The following RASGRP2 variants were observed in gnomAD, a reference collection of about 807,000 sequenced individuals.
RASGRP2 encodes the protein RAS guanyl-releasing protein 2.
In RASGRP2, 44 loss-of-function variants were observed where a neutral mutation model predicts 71.0. The ratio of observed to expected loss-of-function variants is 0.62; its 90% confidence interval spans 0.49 to 0.80. RASGRP2 has a LOEUF of 0.80. RASGRP2 is among the 30% of genes least tolerant of loss of function. RASGRP2 has a pLI of 0.00. For synonymous variants in RASGRP2, 350 were observed against 330.7 expected (o/e 1.06, Z -0.63); for missense variants, 663 against 813.4 (o/e 0.82, Z 2.25).
chr11:64,730,091 A>T lies in RASGRP2; in HGVS notation c.1516T>A (p.Ser506Thr). ...GFVHNFQESNSLRPVACRHCK... is the reference protein window; with the variant it reads ...GFVHNFQESNTLRPVACRHCK... ...TGGCGGCAGGCGACGGGGCGCAAGG[A>T]GTTGCTCTCCTGGAAGTTGTGTACG... Residue 506 changes from serine to threonine, a missense_variant, in exon 13 of 17, where the codon TCC (serine) becomes ACC (threonine). By Grantham distance (58) the Ser-to-Thr change is moderately conservative. Transcript: ENST00000394432. The T allele has an allele frequency of 6.4e-7, 1 of 1,550,388 alleles. No homozygotes were observed.
chr11:64,729,344 G>GTTT (rs112743015), intron 14 of RASGRP2, among the ~76,000 whole-genome samples: 2 of 146,412 alleles, frequency 1.4e-5, no homozygotes, highest in African/African-American at 2.5e-5. Context: ...TTTTTTTGTT[G>GTTT]TTTTTTTTTT....
intron 8 of RASGRP2, among the ~76,000 whole-genome samples, chr11:64,737,718 AG>A (rs1565512482): frequency 2.0e-5 from 3 of 150,996 alleles, no homozygotes; most frequent in African/African-American, 2.4e-5. Flanking sequence ...AAGAAAGAAA[AG>A]AAAAGGAAAA....
At position 64,738,957 on chromosome 11, in the gene RASGRP2, T is replaced by TAA. The variant is rs34619826; in HGVS notation, c.813+401_813+402dup. On this transcript the variant is annotated intron_variant, in intron 8 of 16. Coordinates refer to ENST00000394432, the MANE Select transcript of RASGRP2 (RefSeq NM_001098671.2). ...GGGCAACATGGCAAAACCCCATCTC[T>TAA]AAAAAAAAAAAAAAAAATTAATAAC... 1.1e-3 allele frequency among the ~76,000 whole-genome samples: 141 copies of TAA among 133,074 alleles called. 1 individual carries two copies. The highest frequency in any genetic ancestry group is 5.9e-3 in the South Asian group (24 of 4,092). 87.3% of individuals were successfully genotyped at this position (133,074 alleles called of 152,430 possible).
chr11:64,734,742 T>A (rs1233881851), intron 12 of RASGRP2, among the ~76,000 whole-genome samples: 1 of 152,184 alleles, frequency 6.6e-6, no homozygotes, highest in Non-Finnish European at 1.5e-5. Context: ...AACAACTGGG[T>A]ACTGCTAATT....
At position 64,743,042 on chromosome 11, in the gene RASGRP2, C is replaced by T. The variant is rs1441413600; in HGVS notation, c.-71-105G>A. 1 of 1,286,540 alleles carries T rather than the reference C, an allele frequency of 7.8e-7. No homozygotes were observed. The highest frequency in any genetic ancestry group is 2.5e-5 in the East Asian group (1 of 39,326). 79.7% of individuals were successfully genotyped at this position (1,286,540 alleles called of 1,614,324 possible). The stretch of plus-strand genomic sequence containing the variant: ...GGGCACGCCCCCTGCTGGACAGGGG[C>T]GGAGTTGTCCCCCGCGGCCACTCCC... On this transcript the variant is annotated intron_variant, in intron 1 of 16. Coordinates refer to ENST00000394432, the MANE Select transcript of RASGRP2 (RefSeq NM_001098671.2). This position sits in a 1 kb window ranked among gnomAD's most constrained non-coding sequence, Gnocchi z 4.9.
At position 64,739,739 on chromosome 11, in the gene RASGRP2, G is replaced by C; in HGVS notation, c.593C>G (p.Ser198Cys). 1.2e-6 allele frequency: 2 copies of C among 1,613,958 alleles called. No individual in the cohort carries two copies. Among genetic ancestry groups the C allele is most frequent in the Non-Finnish European group, 1.7e-6 (2 of 1,179,934 alleles). ...CCACTGTGAGACGCTGTTGAAGAGGGAGATGAACCGCTCCAGGACGGGGTT... is the reference window on the plus strand; with the variant it reads ...CCACTGTGAGACGCTGTTGAAGAGGCAGATGAACCGCTCCAGGACGGGGTT... ...VDNPVLERFISLFNSVSQWVQ... is the reference protein window; with the variant it reads ...VDNPVLERFICLFNSVSQWVQ... Residue 198 changes from serine (S) to cysteine (C), a missense_variant, in exon 7 of 17, where the codon TCC (serine) becomes TGC (cysteine). Transcript: ENST00000394432. This position sits in a 1 kb window ranked among gnomAD's most constrained non-coding sequence, Gnocchi z 4.2.
In RASGRP2 at chr11:64,742,545, C is replaced by A; in HGVS notation, c.73+249G>T. The A allele has an allele frequency of 1.7e-6, 1 of 600,266 alleles. No homozygotes were observed. Among genetic ancestry groups the A allele is most frequent in the Non-Finnish European group, 3.0e-6 (1 of 337,574 alleles). 37.2% of individuals were successfully genotyped at this position (600,266 alleles called of 1,614,324 possible). A position where few individuals can be genotyped will look rare whatever the true frequency, so the allele number is the denominator to read the frequency against. ...GAGACAGATAATGCCCCTCAAGTGTCAGAGTCCGGGACCCGGCCCTCCCTT... is the reference window on the plus strand; with the variant it reads ...GAGACAGATAATGCCCCTCAAGTGTAAGAGTCCGGGACCCGGCCCTCCCTT... On this transcript the variant is annotated intron_variant, in intron 2 of 16. Transcript: ENST00000394432. This position sits in a 1 kb window ranked among gnomAD's most constrained non-coding sequence, Gnocchi z 4.7.
In RASGRP2 at chr11:64,735,089, C is replaced by T; in HGVS notation, c.1412+23G>A. 2 of 1,580,962 alleles carry T rather than the reference C, an allele frequency of 1.3e-6. No individual in the cohort carries two copies. Among genetic ancestry groups the T allele is most frequent in the Non-Finnish European group, 1.7e-6 (2 of 1,149,772 alleles). On this transcript the variant is annotated intron_variant, in intron 12 of 16. Transcript: ENST00000394432. This position sits in a 1 kb window ranked among gnomAD's most constrained non-coding sequence, Gnocchi z 4.2. ...GTGGGCTGAGTTGCCTTCCCTCTCC[C>T]CCAGGTCCCCAGCCCTCCTCACTGG... is the stretch of plus-strand genomic sequence containing the variant.
chr11:64,740,118 C>T lies in RASGRP2; in HGVS notation c.417G>A (p.Val139=). 6.2e-7 allele frequency: 1 copy of T among 1,614,142 alleles called. No homozygotes were observed. The change falls in exon 6 of 17, where the codon GTG becomes GTA. Residue 139 remains valine (V), a synonymous_variant. Coordinates refer to ENST00000394432, the MANE Select transcript of RASGRP2 (RefSeq NM_001098671.2). The part of the protein sequence containing the change: ...WKRQVTQRNP[V]GQKKRKMSLL... ...GGGACATCTTGCGCTTTTTCTGTCC[C>T]ACAGGGTTCCGCTGAGTCACCTGCC...
At position 64,735,203 on chromosome 11, in the gene RASGRP2, C is replaced by T. The variant is rs764442265; in HGVS notation, c.1321G>A (p.Asp441Asn). The change falls in exon 12 of 17, where the codon GAT becomes AAT. Residue 441 changes from aspartate (D) to asparagine (N), a missense_variant. By Grantham distance (23) the Asp-to-Asn change is conservative (BLOSUM62 1). Transcript: ENST00000394432. This position sits in a 1 kb window ranked among gnomAD's most constrained non-coding sequence, Gnocchi z 4.2. ...TCCTGTGAGATGTGGCCATCCCCAT[C>T]GACGTCAAAGTTCCGGAACACAGAC... is the stretch of plus-strand genomic sequence containing the variant. ...VESVFRNFDV[D>N]GDGHISQEEF... 6 of 1,614,064 alleles carry T rather than the reference C, an allele frequency of 3.7e-6. No individual in the cohort carries two copies. The highest frequency in any genetic ancestry group is 1.7e-5 in the Admixed American group (1 of 60,004).
At chr11:64,728,774 A>G in intron 15 of RASGRP2, 89 bp downstream of exon 15, 1 of 1,319,756 alleles carries the variant, frequency 7.6e-7, no homozygotes, top group South Asian at 1.4e-5. Flanking sequence ...AGAATTATGC[A>G]CTTTGGAATG....
Position 64,743,276 on chromosome 11 carries a change from C to T in RASGRP2, c.-71-339G>A. On this transcript the variant is annotated intron_variant, in intron 1 of 16. Coordinates refer to ENST00000394432, the MANE Select transcript of RASGRP2 (RefSeq NM_001098671.2). This position sits in a 1 kb window ranked among gnomAD's most constrained non-coding sequence, Gnocchi z 4.9. ...TCTCCCCAGAGGCACCTGCAGCACC[C>T]CGCAGCTCGGCTCTGCGCCCCTCCC... The T allele has an allele frequency of 2.1e-6, 1 of 474,422 alleles. No individual in the cohort carries two copies. The highest frequency in any genetic ancestry group is 4.2e-6 in the Non-Finnish European group (1 of 239,222). The allele number at this position is 474,422 out of a possible 1,614,324, so 29.4% of individuals were successfully genotyped here.
rs939446509 is a variant in RASGRP2 at position 64,739,052 on chromosome 11, C to A, written c.813+308G>T. Among the ~76,000 whole-genome samples the A allele has an allele frequency of 7.9e-5, 12 of 151,038 alleles. No homozygotes were observed. The highest frequency in any genetic ancestry group is 2.9e-4 in the African/African-American group (12 of 41,014). The stretch of plus-strand genomic sequence containing the variant: ...ACTCAGGAGGCTGAGGTGGGAGGAT[C>A]GATTGAGCTCAGGAGTTCAAGGCTG... On this transcript the variant is annotated intron_variant, in intron 8 of 16. Coordinates refer to ENST00000394432, the MANE Select transcript of RASGRP2 (RefSeq NM_001098671.2). This position sits in a 1 kb window ranked among gnomAD's most constrained non-coding sequence, Gnocchi z 4.2.
At position 64,729,333 on chromosome 11, in the gene RASGRP2, G is replaced by T. The variant is rs530042887; in HGVS notation, c.1592-291C>A. ...ATTTTGTGGGGTTTTGGTTTTGGGG[G>T]TTTTTTTGTTGTTTTTTTTTTTGAG... On this transcript the variant is annotated intron_variant, in intron 14 of 16. Transcript: ENST00000394432. Among the ~76,000 whole-genome samples, 4 of 82,708 alleles carry T rather than the reference G, an allele frequency of 4.8e-5. No homozygotes were observed. The East Asian group carries it at 1.2e-3, about 24-fold the overall frequency. The allele number at this position is 82,708 out of a possible 152,430, so 54.3% of individuals were successfully genotyped here.
Position 64,740,171 on chromosome 11 carries a change from G to T in RASGRP2, c.372-8C>A, listed in dbSNP as rs1361617606. 1 of 1,613,862 alleles carries T rather than the reference G, an allele frequency of 6.2e-7. No homozygotes were observed. Among genetic ancestry groups the T allele is most frequent in the African/African-American group, 1.3e-5 (1 of 74,882 alleles). The stretch of plus-strand genomic sequence containing the variant: ...TTCCACTTGTAGGTAGGGCTGGGGG[G>T]GCAGGGGTAGTGAGCCCTTTGCTGG... On this transcript the variant is annotated splice_region_variant and splice_polypyrimidine_tract_variant and intron_variant, in intron 5 of 16. Transcript: ENST00000394432.
intron 14 of RASGRP2, 126 bp from the exon 15 acceptor site, chr11:64,729,168 G>T (rs2135725839): frequency 2.1e-6 from 2 of 949,364 alleles, no homozygotes; most frequent in Non-Finnish European, 1.6e-6. Context: ...CAAAATAAGA[G>T]TCTCCTTCCA....
At chr11:64,738,048 A>C (rs1565512911) in intron 8 of RASGRP2, among the ~76,000 whole-genome samples, 1 of 152,218 alleles carries the variant, frequency 6.6e-6, no homozygotes. Context: ...CATCTCAAAA[A>C]AATAAATAAA....
intron 9 of RASGRP2, 124 bp from the exon 10 acceptor site, chr11:64,736,104 A>G (rs551503760): frequency 4.0e-4 from 312 of 778,604 alleles, no homozygotes; most frequent in Non-Finnish European, 6.2e-4. Flanking sequence ...GACTCAGGAC[A>G]AAGCCTGGCT....
chr11:64,742,828 C>A lies in RASGRP2; in HGVS notation c.39G>T (p.Val13=). The A allele has an allele frequency of 1.9e-6, 3 of 1,607,868 alleles. No homozygotes were observed. The highest frequency in any genetic ancestry group is 2.5e-6 in the Non-Finnish European group (3 of 1,178,270). Residue 13 remains valine (V), a synonymous_variant, in exon 2 of 17, where the codon GTG becomes GTT. Coordinates refer to ENST00000394432, the MANE Select transcript of RASGRP2 (RefSeq NM_001098671.2). The surrounding 1 kb of genome is among the most constrained non-coding windows in gnomAD (Gnocchi z 4.7). ...GTLDLDKGCT[V]EELLRGCIEA... is the part of the protein sequence containing the mutation. ...CGATGCACCCGCGGAGCAGCTCCTC[C>A]ACCGTGCAGCCCTTGTCCAGGTCCA...
Sources: allele counts gnomAD v4.1 joint callset (sites outside exome capture counted in the v4.1 genomes callset), GRCh38; gene constraint gnomAD v4.1.1; non-coding constraint Gnocchi (gnomAD v3.1); transcripts MANE v1.5; gene names NCBI Gene and HGNC (gene_info 2026-07-23, HGNC 2026-07-21).